USP47: variants seen among roughly 807,000 people sequenced by gnomAD.
USP47 encodes ubiquitin carboxyl-terminal hydrolase 47.
Under a neutral mutation model 165.1 loss-of-function variants are expected in USP47, and 35 were observed. The ratio of observed to expected loss-of-function variants is 0.21; its 90% CI spans 0.16 to 0.28. The LOEUF (loss-of-function observed/expected upper bound fraction) is 0.28, where lower values mean the gene tolerates loss of function less well. Among genes scored for constraint, USP47 ranks in the 10% least tolerant of loss-of-function variants. The pLI is 1.00. For missense variants in USP47, 1,277 were observed against 1,607.4 expected (o/e 0.79, Z 3.52); for synonymous variants, 531 against 544.5 (o/e 0.98, Z 0.35).
intron 1 of USP47, among the ~76,000 whole-genome samples, chr11:11,879,494 A>G (rs1850691998): frequency 6.6e-6 from 1 of 152,154 alleles, no homozygotes; most frequent in African/African-American, 2.4e-5. Context: ...TATTTGAGAA[A>G]GTTTAAGCAG....
intron 10 of USP47, among the ~76,000 whole-genome samples, chr11:11,921,286 TA>T (rs1373558950): frequency 6.6e-6 from 1 of 151,702 alleles, no homozygotes; most frequent in African/African-American, 2.4e-5. Context: ...ACTATAGTTA[TA>T]AAAAATGCCT....
intron 24 of USP47, chr11:11,951,540 A>G (rs1365817545): frequency 6.6e-6 from 1 of 152,190 alleles, no homozygotes; most frequent in Non-Finnish European, 1.5e-5. Context: ...ACATCAAGGT[A>G]AACAACTAGT....
intron 1 of USP47, among the ~76,000 whole-genome samples, chr11:11,842,579 C>G (rs192040786): frequency 2.2e-4 from 33 of 152,340 alleles, no homozygotes; most frequent in African/African-American, 7.0e-4. Flanking sequence ...GAACAGTTGC[C>G]TATGGGCACG....
Position 11,930,688 on chromosome 11 carries a change from TCTA to T in USP47, c.1596-4_1596-2del, listed in dbSNP as rs776173620. ...TGTCCTTATTAATCTTTTTTATGTTTCTACTAGTTCCACAAATGCATATATGCT... is the reference window on the plus strand; with the variant it reads ...TGTCCTTATTAATCTTTTTTATGTTTCTAGTTCCACAAATGCATATATGCT... On this transcript the variant is annotated splice_polypyrimidine_tract_variant and splice_region_variant and intron_variant, in intron 13 of 27. Transcript: ENST00000527733. The T allele has an allele frequency of 6.3e-7, 1 of 1,595,662 alleles. No homozygotes were observed. Among genetic ancestry groups the T allele is most frequent in the Admixed American group, 1.8e-5 (1 of 56,552 alleles).
At position 11,933,887 on chromosome 11, in the gene USP47, G is replaced by A. The variant is rs1854860878; in HGVS notation, c.1821G>A (p.Glu607=). 1.2e-6 allele frequency: 2 copies of A among 1,609,776 alleles called. No homozygotes were observed. Among genetic ancestry groups the A allele is most frequent in the East Asian group, 4.5e-5 (2 of 44,606 alleles). The stretch of plus-strand genomic sequence containing the variant: ...AAGTAATGATGGAAAATAAATTGGA[G>A]GTTCATAAGGATAAGACATTAAAGG... The part of the protein sequence containing the change: ...TKQVMMENKL[E]VHKDKTLKEA... The change falls in exon 16 of 28, where the codon GAG becomes GAA. Residue 607 remains glutamate (E), a synonymous_variant. Coordinates refer to ENST00000527733, the MANE Select transcript of USP47 (RefSeq NM_001282659.2).
chr11:11,891,912 C>T (rs375117819), intron 3 of USP47, 56 bp from the exon 4 acceptor site: 93 of 1,569,230 alleles, frequency 5.9e-5, no homozygotes, highest in African/African-American at 5.2e-4. Flanking sequence ...ATGGTGAATG[C>T]TGTTGTTTCA....
chr11:11,887,389 C>T (rs1851229231), intron 3 of USP47, among the ~76,000 whole-genome samples: 1 of 151,878 alleles, frequency 6.6e-6, no homozygotes, highest in South Asian at 2.1e-4. Flanking sequence ...GGAAAATTTA[C>T]CAAGTGAATG....
intron 10 of USP47, 56 bp from the exon 11 acceptor site, chr11:11,922,668 T>G (rs902038138): frequency 6.9e-7 from 1 of 1,450,208 alleles, no homozygotes; most frequent in African/African-American, 1.4e-5. Context: ...CAAAGTTTTG[T>G]TGAACATATT....
Position 11,867,176 on chromosome 11 carries a change from C to T in USP47, c.40-13001C>T, listed in dbSNP as rs1048217870. ...CCTTTCAAAGTGTTGGGATTATAGG[C>T]GTGAGCCGCTGTGCCTGGCCCTCTC... On this transcript the variant is annotated intron_variant, in intron 1 of 27. Coordinates refer to ENST00000527733, the MANE Select transcript of USP47 (RefSeq NM_001282659.2). 3.3e-5 allele frequency among the ~76,000 whole-genome samples: 5 copies of T among 152,186 alleles called. No homozygotes were observed. The South Asian group carries it at 1.0e-3, about 32-fold the overall frequency.
At chr11:11,901,215 A>G (rs192517618) in intron 5 of USP47, among the ~76,000 whole-genome samples, 4 of 152,124 alleles carry the variant, frequency 2.6e-5, no homozygotes, top group Admixed American at 1.3e-4. Context: ...AATATTGAAC[A>G]CTCTAATAGA....
intron 16 of USP47, among the ~76,000 whole-genome samples, chr11:11,934,511 G>A (rs1009572239): frequency 2.0e-5 from 3 of 152,086 alleles, no homozygotes; most frequent in African/African-American, 4.8e-5. Flanking sequence ...AGTCAGATGC[G>A]TTACCCATTC....
Position 11,880,283 on chromosome 11 carries a change from C to T in USP47, c.146C>T (p.Pro49Leu). 7.0e-7 allele frequency: 1 copy of T among 1,437,938 alleles called. No individual in the cohort carries two copies. Among genetic ancestry groups the T allele is most frequent in the Non-Finnish European group, 9.0e-7 (1 of 1,105,462 alleles). The allele number at this position is 1,437,938 out of a possible 1,614,324, so 89.1% of individuals were successfully genotyped here. A position where few individuals can be genotyped will look rare whatever the true frequency, so the allele number is the denominator to read the frequency against. Residue 49 changes from proline to leucine, a missense_variant, in exon 2 of 28, where the codon CCA becomes CTA. Physicochemically the swap from Pro to Leu is moderately conservative, Grantham distance 98. Around this residue, in one of 4 missense-constraint regions of USP47, gnomAD observed 181 missense variants for 194.7 expected, o/e 0.93. Transcript: ENST00000527733. ...RITLNLPAST[P>L]VRKLFEDVAN... is the part of the protein sequence containing the mutation. ...ACTTTAAATTTACCAGCATCTACTC[C>T]AGTCAGAAAGCTCTTTGAAGATGTG...
At chr11:11,863,430 G>C (rs1177428454) in intron 1 of USP47, among the ~76,000 whole-genome samples, 2 of 152,154 alleles carry the variant, frequency 1.3e-5, no homozygotes, top group Admixed American at 1.3e-4. Context: ...AGTTCAGTCA[G>C]ATTTTTAAAA....
Position 11,920,333 on chromosome 11 carries a change from G to GT in USP47, c.1066-3dup. On this transcript the variant is annotated splice_polypyrimidine_tract_variant and intron_variant, in intron 9 of 27. Transcript: ENST00000527733. Reference sequence around the variant, plus strand: ...TAGACTCTCCCCCTTTTTGTTGTTTGTTTTTTAGGGCCTTCGGTTTTTGCA... The same window carrying GT: ...TAGACTCTCCCCCTTTTTGTTGTTTGTTTTTTTAGGGCCTTCGGTTTTTGCA... The GT allele has an allele frequency of 1.2e-6, 2 of 1,602,456 alleles. No homozygotes were observed. The highest frequency in any genetic ancestry group is 2.3e-5 in the South Asian group (2 of 88,726).
chr11:11,850,438 T>C (rs1043175727), intron 1 of USP47, among the ~76,000 whole-genome samples: 1 of 151,612 alleles, frequency 6.6e-6, no homozygotes, highest in African/African-American at 2.4e-5. Flanking sequence ...ATTTGTTTTA[T>C]GGATGCAGTG....
At chr11:11,865,146 A>G (rs1181707626) in intron 1 of USP47, among the ~76,000 whole-genome samples, 1 of 152,052 alleles carries the variant, frequency 6.6e-6, no homozygotes. Flanking sequence ...CTTTAGGTTT[A>G]CCTTATTTGG....
At chr11:11,929,091 CTG>C (rs1450254620) in intron 11 of USP47, among the ~76,000 whole-genome samples, 1 of 151,856 alleles carries the variant, frequency 6.6e-6, no homozygotes. Context: ...TTTTTATCGA[CTG>C]TGTATTTTAG....
At chr11:11,944,985 C>T (rs1446244134) in intron 20 of USP47, among the ~76,000 whole-genome samples, 1 of 152,088 alleles carries the variant, frequency 6.6e-6, no homozygotes, top group Non-Finnish European at 1.5e-5. Context: ...TTAATAAAAT[C>T]TTTTAAATGG....
intron 1 of USP47, chr11:11,873,754 T>A (rs746728936): frequency 5.1e-6 from 6 of 1,180,368 alleles, no homozygotes; most frequent in Non-Finnish European, 6.7e-6. Context: ...TTTCCCTTTA[T>A]TTTATATAAA....
Sources: allele counts gnomAD v4.1 joint callset (sites outside exome capture counted in the v4.1 genomes callset), GRCh38; gene constraint gnomAD v4.1.1; regional missense constraint gnomAD v4.1.1; transcripts MANE v1.5; gene names NCBI Gene and HGNC (gene_info 2026-07-23, HGNC 2026-07-21).